Variants in MMP26 observed in about 807,000 individuals in gnomAD.
The protein encoded by MMP26 is matrix metalloproteinase-26.
MMP26 carries 33 observed loss-of-function variants against 31.0 expected under a neutral mutation model. The ratio of observed to expected loss-of-function variants is 1.06; its 90% CI spans 0.81 to 1.42. The LOEUF (loss-of-function observed/expected upper bound fraction) is 1.42. Ranked by LOEUF, MMP26 falls within the 40% of genes most tolerant of loss-of-function variation. MMP26 has a pLI of 0.00. For missense variants in MMP26, 347 were observed against 316.1 expected (o/e 1.10, Z -0.74); for synonymous variants, 122 against 114.9 (o/e 1.06, Z -0.40).
intron 2 of MMP26, among the ~76,000 whole-genome samples, chr11:4,983,796 A>AT (rs1183179697): frequency 1.3e-5 from 2 of 152,168 alleles, no homozygotes; most frequent in Non-Finnish European, 2.9e-5. Context: ...AAAAAGTTTG[A>AT]TTTTGGATCA....
intron 2 of MMP26, among the ~76,000 whole-genome samples, chr11:4,968,493 A>G (rs902281909): frequency 1.3e-5 from 2 of 149,802 alleles, no homozygotes; most frequent in Non-Finnish European, 3.0e-5. Flanking sequence ...AAAAAAAAAG[A>G]GTTATTTTAA....
At chr11:4,946,037 A>C (rs1467971437) in intron 2 of MMP26, 1 of 894,636 alleles carries the variant, frequency 1.1e-6, no homozygotes, top group African/African-American at 2.3e-5. Flanking sequence ...AGAGTGAATA[A>C]AATAACTCTA....
At chr11:4,874,329 CT>C (rs1204366098) in intron 2 of MMP26, among the ~76,000 whole-genome samples, 8 of 152,014 alleles carry the variant, frequency 5.3e-5, no homozygotes, top group Non-Finnish European at 8.8e-5. Context: ...TTTGGAGTGA[CT>C]TTTTTCCATC....
chr11:4,780,238 A>G (rs1589898339), intron 2 of MMP26, among the ~76,000 whole-genome samples: 1 of 152,250 alleles, frequency 6.6e-6, no homozygotes, highest in South Asian at 2.1e-4. Flanking sequence ...GTTCATAAGG[A>G]ATGCAGTTTT....
At chr11:4,906,134 T>C (rs924024657) in intron 2 of MMP26, among the ~76,000 whole-genome samples, 5 of 152,176 alleles carry the variant, frequency 3.3e-5, no homozygotes, top group African/African-American at 9.6e-5. Flanking sequence ...GTGTGAACCA[T>C]AAGTGTTTAA....
chr11:4,792,842 TG>T (rs1849048725), intron 2 of MMP26, among the ~76,000 whole-genome samples: 1 of 152,198 alleles, frequency 6.6e-6, no homozygotes. Flanking sequence ...TGTGTTGTTG[TG>T]TATTCGTTGT....
rs76988924 is a variant in MMP26 at position 4,873,249 on chromosome 11, G to A, written c.-145+105908G>A. On this transcript the variant is annotated intron_variant, in intron 2 of 7. Coordinates refer to ENST00000380390, the MANE Select transcript of MMP26 (RefSeq NM_021801.5). ...TTGGATTAAGGTGCTTAGATTGCCA[G>A]TGTAGTGTTTCTTTTGAGGCTGCTC... is the stretch of plus-strand genomic sequence containing the variant. Among the ~76,000 whole-genome samples the A allele has an allele frequency of 6.9e-3, 1,046 of 152,180 alleles. 12 individuals carry two copies. Among genetic ancestry groups the A allele is most frequent in the African/African-American group, 0.024 (995 of 41,532 alleles).
At chr11:4,874,263 A>G (rs1298033910) in intron 2 of MMP26, among the ~76,000 whole-genome samples, 1 of 152,088 alleles carries the variant, frequency 6.6e-6, no homozygotes, top group Non-Finnish European at 1.5e-5. Flanking sequence ...AAATAAATGC[A>G]TATGTCTAGG....
chr11:4,932,504 A>G lies in MMP26; in HGVS notation c.-144-55564A>G, dbSNP rs144391516. 8.6e-3 allele frequency among the ~76,000 whole-genome samples: 1,311 copies of G among 152,268 alleles called. 9 individuals are homozygous for G. The highest frequency in any genetic ancestry group is 0.015 in the South Asian group (73 of 4,830). ...AGAAGCCTAAGCTACATGGAGAGGC[A>G]TATGTAGGCGCTTAGCTAAACTCAG... On this transcript the variant is annotated intron_variant, in intron 2 of 7. Transcript: ENST00000380390.
intron 2 of MMP26, chr11:4,889,825 GA>G: frequency 5.7e-6 from 1 of 176,124 alleles, no homozygotes; most frequent in Non-Finnish European, 1.2e-5. Flanking sequence ...CACAGGTGTT[GA>G]GGGCCTTGAG....
chr11:4,829,457 C>A (rs1849617795), intron 2 of MMP26, among the ~76,000 whole-genome samples: 1 of 152,108 alleles, frequency 6.6e-6, no homozygotes, highest in African/African-American at 2.4e-5. Context: ...TTTCTATTTT[C>A]TTTATCTGAA....
intron 1 of MMP26, among the ~76,000 whole-genome samples, chr11:4,728,771 A>G (rs1364946656): frequency 6.6e-6 from 1 of 152,010 alleles, no homozygotes; most frequent in East Asian, 1.9e-4. Context: ...CATTCCTTTT[A>G]AAGTCTTTAA....
intron 2 of MMP26, among the ~76,000 whole-genome samples, chr11:4,976,639 A>G (rs1846740563): frequency 6.6e-6 from 1 of 152,036 alleles, no homozygotes; most frequent in African/African-American, 2.4e-5. Flanking sequence ...TTAGTGGAAC[A>G]AAGGCCTCTG....
At chr11:4,970,289 G>T (rs533197217) in intron 2 of MMP26, among the ~76,000 whole-genome samples, 2 of 152,296 alleles carry the variant, frequency 1.3e-5, no homozygotes, top group East Asian at 3.9e-4. Context: ...TATTTATGGG[G>T]AATTCTTATG....
chr11:4,932,588 G>T (rs1281658490), intron 2 of MMP26, among the ~76,000 whole-genome samples: 1 of 152,148 alleles, frequency 6.6e-6, no homozygotes, highest in Admixed American at 6.6e-5. Flanking sequence ...CCCTGTCCCA[G>T]TGAAGATGCC....
At chr11:4,725,260 A>T in intron 1 of MMP26, among the ~76,000 whole-genome samples, 1 of 152,226 alleles carries the variant, frequency 6.6e-6, no homozygotes, top group East Asian at 1.9e-4. Context: ...GCAGTGTGAG[A>T]ACTGACTAAT....
intron 2 of MMP26, among the ~76,000 whole-genome samples, chr11:4,807,023 G>T (rs1052454358): frequency 5.9e-5 from 9 of 151,870 alleles, no homozygotes; most frequent in Non-Finnish European, 8.8e-5. Flanking sequence ...CAATATAAGG[G>T]GTGCTGGCCA....
chr11:4,841,625 C>T (rs1461579925), intron 2 of MMP26, among the ~76,000 whole-genome samples: 1 of 152,120 alleles, frequency 6.6e-6, no homozygotes, highest in African/African-American at 2.4e-5. Flanking sequence ...TTCCTCAACA[C>T]CAGACCTGTT....
At chr11:4,880,779 G>A (rs1564799342) in intron 2 of MMP26, among the ~76,000 whole-genome samples, 1 of 152,130 alleles carries the variant, frequency 6.6e-6, no homozygotes, top group Non-Finnish European at 1.5e-5. Flanking sequence ...GAAGCAGAGG[G>A]TAGTTTTAGC....
Sources: allele counts gnomAD v4.1 joint callset (sites outside exome capture counted in the v4.1 genomes callset), GRCh38; gene constraint gnomAD v4.1.1; transcripts MANE v1.5; gene names NCBI Gene and HGNC (gene_info 2026-07-23, HGNC 2026-07-21).